CDH23: variants seen among roughly 807,000 people sequenced by gnomAD.
CDH23 encodes cadherin-23.
A neutral mutation model predicts 317.1 loss-of-function variants in CDH23; 189 were observed. That is an observed-to-expected ratio of 0.60 (90% CI 0.53 to 0.67). CDH23 has a LOEUF of 0.67. Among genes scored for constraint, CDH23 ranks in the 30% least tolerant of loss-of-function variants. CDH23 has a pLI of 0.00. For synonymous variants in CDH23, 1,839 were observed against 1,876.8 expected, an observed-to-expected ratio of 0.98 and a Z score of 0.52; for missense variants, 4,401 against 4,592.4, an observed-to-expected ratio of 0.96 and a Z score of 1.20.
intron 14 of CDH23, among the ~76,000 whole-genome samples, chr10:71,671,949 G>A (rs949388280): frequency 1.3e-5 from 2 of 152,122 alleles, no homozygotes; most frequent in African/African-American, 4.8e-5. Context: ...AGAGATAGAC[G>A]TACCTTTCTT....
Position 71,739,654 on chromosome 10 carries a change from C to T in CDH23, c.4370C>T (p.Ser1457Phe). The change falls in exon 36 of 70, where the codon TCC (serine) becomes TTC (phenylalanine). Residue 1457 changes from serine to phenylalanine, a missense_variant. Coordinates refer to ENST00000224721, the MANE Select transcript of CDH23 (RefSeq NM_022124.6). ...DAGSNGQVVF[S>F]LASGNIAGAF... Reference sequence around the variant, plus strand: ...CTCTTCTCCCCACAGGTGGTCTTCTCCCTGGCCTCTGGCAACATCGCGGGG... The same window carrying T: ...CTCTTCTCCCCACAGGTGGTCTTCTTCCTGGCCTCTGGCAACATCGCGGGG... 6.2e-7 allele frequency: 1 copy of T among 1,613,044 alleles called. No homozygotes were observed. Among genetic ancestry groups the T allele is most frequent in the African/African-American group, 1.3e-5 (1 of 75,030 alleles).
At chr10:71,467,248 T>A (rs1334856895) in intron 3 of CDH23, among the ~76,000 whole-genome samples, 1 of 152,114 alleles carries the variant, frequency 6.6e-6, no homozygotes. Flanking sequence ...GACATAAACG[T>A]GTGAACTTGA....
intron 35 of CDH23, 51 bp from the exon 36 acceptor site, chr10:71,739,593 G>A (rs1267398106): frequency 1.1e-5 from 18 of 1,590,306 alleles, no homozygotes; most frequent in Non-Finnish European, 1.5e-5. Flanking sequence ...GCTTGACCTG[G>A]CCACCTCTCC....
intron 3 of CDH23, among the ~76,000 whole-genome samples, chr10:71,450,230 G>A (rs565814905): frequency 6.6e-6 from 1 of 151,778 alleles, no homozygotes; most frequent in Non-Finnish European, 1.5e-5. Context: ...GTGCTGCAGG[G>A]GTGCTGTCTC....
chr10:71,617,669 G>T, intron 11 of CDH23: 1 of 453,030 alleles, frequency 2.2e-6, no homozygotes, highest in African/African-American at 2.1e-5. Flanking sequence ...AATCTAGTAG[G>T]GATATTGTAA....
At position 71,401,425 on chromosome 10, in the gene CDH23, A is replaced by G. The variant is rs115670525; in HGVS notation, c.-6+4107A>G. ...TGCTCAGTAACTGTTCATTGACCCA[A>G]TGGCTTATCCCTGGGTGATGGTTCT... On this transcript the variant is annotated intron_variant, in intron 1 of 69. Coordinates refer to ENST00000224721, the MANE Select transcript of CDH23 (RefSeq NM_022124.6). Among the ~76,000 whole-genome samples the G allele has an allele frequency of 4.4e-3, 670 of 152,288 alleles. 4 individuals are homozygous for G. The highest frequency in any genetic ancestry group is 0.015 in the African/African-American group (612 of 41,554).
intron 17 of CDH23, among the ~76,000 whole-genome samples, chr10:71,680,711 G>A (rs1424108147): frequency 3.3e-5 from 4 of 119,724 alleles, no homozygotes; most frequent in Admixed American, 3.2e-4. Flanking sequence ...TTGCACCACT[G>A]CACTCCAGCC....
At chr10:71,508,191 T>C (rs185554373) in intron 3 of CDH23, 1 of 152,238 alleles carries the variant, frequency 6.6e-6, no homozygotes, top group African/African-American at 2.4e-5. Context: ...TCCACATGAA[T>C]GGACCTTGTG....
intron 6 of CDH23, among the ~76,000 whole-genome samples, chr10:71,541,584 A>G (rs2394807): frequency 0.73 from 110,910 of 152,222 alleles, 41,113 homozygotes; most frequent in East Asian, 0.89. Context: ...TGGCTAGAGA[A>G]CTTCCGGCAG....
intron 15 of CDH23, 109 bp downstream of exon 15, chr10:71,675,285 C>T (rs1864313640): frequency 1.4e-5 from 13 of 902,536 alleles, no homozygotes; most frequent in Non-Finnish European, 2.1e-5. Flanking sequence ...GGTGCTGGGT[C>T]CTGTGGCTAG....
At chr10:71,789,884 T>C (rs918949714) in intron 45 of CDH23, among the ~76,000 whole-genome samples, 16 of 152,196 alleles carry the variant, frequency 1.1e-4, no homozygotes, top group South Asian at 6.2e-4. Flanking sequence ...TGGGTTTTTC[T>C]AGTCATGTAT....
chr10:71,738,345 A>G, intron 34 of CDH23, 153 bp from the exon 35 acceptor site: 3 of 839,390 alleles, frequency 3.6e-6, no homozygotes, highest in Non-Finnish European at 5.8e-6. Context: ...CCTCCTTTGT[A>G]AAGTCAGGAT....
chr10:71,422,885 T>C (rs1180673060), intron 1 of CDH23, among the ~76,000 whole-genome samples: 1 of 152,106 alleles, frequency 6.6e-6, no homozygotes, highest in African/African-American at 2.4e-5. Context: ...CATGACTCCA[T>C]TTCCTGGGCA....
intron 11 of CDH23, among the ~76,000 whole-genome samples, chr10:71,629,705 A>G (rs1270037193): frequency 6.6e-6 from 1 of 152,238 alleles, no homozygotes; most frequent in African/African-American, 2.4e-5. Flanking sequence ...TACAGCAGGC[A>G]TAGCCCTGGG....
chr10:71,575,051 G>A (rs1858089287), intron 8 of CDH23, among the ~76,000 whole-genome samples: 2 of 152,170 alleles, frequency 1.3e-5, no homozygotes, highest in Admixed American at 1.3e-4. Context: ...AGAGAGAGGG[G>A]GAACCTTGCT....
intron 38 of CDH23, among the ~76,000 whole-genome samples, chr10:71,765,171 C>G (rs561657081): frequency 1.1e-4 from 17 of 152,370 alleles, no homozygotes; most frequent in African/African-American, 4.1e-4. Context: ...TGTGGCAGGT[C>G]CCACCAGCAC....
rs746153463 is a variant in CDH23 at position 71,805,948 on chromosome 10, T to C, written c.8015T>C (p.Leu2672Pro). ...EFFIIDPISG[L>P]IQTAQRLDRE... ...TTCATCATCGACCCAATCAGCGGCC[T>C]CATCCAGACTGCTCAGCGCCTGGAC... is the stretch of plus-strand genomic sequence containing the variant. The change falls in exon 56 of 70, where the codon CTC (leucine) becomes CCC (proline). Residue 2672 changes from leucine to proline, a missense_variant. Leu to Pro is a moderately conservative substitution (Grantham distance 98). This residue lies in a region of CDH23 where 1,144 missense variants were observed against 1,138.2 expected (regional missense o/e 1.01). Transcript: ENST00000224721. 4.4e-6 allele frequency: 7 copies of C among 1,604,766 alleles called. No individual in the cohort carries two copies. Among genetic ancestry groups the C allele is most frequent in the Non-Finnish European group, 5.1e-6 (6 of 1,174,944 alleles).
chr10:71,562,408 A>T (rs1023343498), intron 6 of CDH23, among the ~76,000 whole-genome samples: 1 of 152,182 alleles, frequency 6.6e-6, no homozygotes, highest in South Asian at 2.1e-4. Flanking sequence ...AGGCTCCTTG[A>T]TTCTTCTCCC....
At chr10:71,809,624 C>T (rs1211088843) in intron 60 of CDH23, among the ~76,000 whole-genome samples, 196 bp from the exon 61 acceptor site, 2 of 152,176 alleles carry the variant, frequency 1.3e-5, no homozygotes, top group East Asian at 1.9e-4. Context: ...TGATGATAAC[C>T]GGCTGAGACC....
Sources: gnomAD v4.1 joint callset for allele counts (sites outside exome capture counted in the v4.1 genomes callset) on GRCh38, gnomAD v4.1.1 for gene constraint, gnomAD v4.1.1 regional missense constraint, MANE v1.5 for transcripts, NCBI Gene and HGNC (gene_info 2026-07-23, HGNC 2026-07-21) for gene names.